DLG1: variants seen among roughly 807,000 people sequenced by gnomAD.
DLG1 encodes discs large MAGUK scaffold protein 1, also known as disks large homolog 1.
In DLG1, 42 loss-of-function variants were observed where a neutral mutation model predicts 123.4. That is an observed-to-expected ratio of 0.34 (90% CI 0.27 to 0.44). The LOEUF is 0.44. DLG1 is among the 20% of genes least tolerant of loss of function. The pLI, the probability that DLG1 is intolerant of heterozygous loss-of-function variation, is 1.00. For synonymous variants in DLG1, 317 were observed against 356.2 expected (o/e 0.89, Z 1.24); for missense variants, 942 against 1,082.6 (o/e 0.87, Z 1.82).
chr3:197,088,849 A>G lies in DLG1; in HGVS notation c.1661+2063T>C, dbSNP rs1030552780. On this transcript the variant is annotated intron_variant, in intron 15 of 24. Coordinates refer to ENST00000667157, the MANE Select transcript of DLG1 (RefSeq NM_001366207.1). ...TCCAGGAAAAATGAAGGGCTGCAGA[A>G]GAAAGGAGGCAGCTCATAGGGTACC... Among the ~76,000 whole-genome samples the G allele has an allele frequency of 3.9e-5, 6 of 152,264 alleles. No individual in the cohort carries two copies. The East Asian group carries it at 1.2e-3, about 29-fold the overall frequency.
intron 3 of DLG1, among the ~76,000 whole-genome samples, 192 bp downstream of exon 3, chr3:197,296,154 T>C (rs941117171): frequency 6.6e-6 from 1 of 152,226 alleles, no homozygotes; most frequent in Non-Finnish European, 1.5e-5. Flanking sequence ...GAAATAATCC[T>C]GAAAGTTTTT....
At chr3:197,079,121 C>CTCCA (rs936116527) in intron 17 of DLG1, among the ~76,000 whole-genome samples, 2 of 151,868 alleles carry the variant, frequency 1.3e-5, no homozygotes, top group Non-Finnish European at 2.9e-5. Flanking sequence ...GACTTGCTAC[C>CTCCA]TCCAGTTTCT....
intron 24 of DLG1, among the ~76,000 whole-genome samples, chr3:197,049,468 G>A (rs541044519): frequency 6.6e-6 from 1 of 152,206 alleles, no homozygotes; most frequent in Non-Finnish European, 1.5e-5. Context: ...GTCAAAAGAT[G>A]AATGAGCCGG....
intron 3 of DLG1, among the ~76,000 whole-genome samples, chr3:197,286,181 T>G (rs1280738167): frequency 1.3e-5 from 2 of 152,160 alleles, no homozygotes; most frequent in African/African-American, 4.8e-5. Flanking sequence ...ATGGAGACAG[T>G]AAAAAGATCA....
chr3:197,136,735 G>A (rs1785216707), intron 9 of DLG1, 57 bp from the exon 10 acceptor site: 2 of 1,458,056 alleles, frequency 1.4e-6, no homozygotes, highest in Non-Finnish European at 1.9e-6. Flanking sequence ...AGCCCAGAAA[G>A]AAATGGTTGA....
chr3:197,289,476 T>C (rs768984940), intron 3 of DLG1, among the ~76,000 whole-genome samples: 4 of 152,224 alleles, frequency 2.6e-5, no homozygotes, highest in Non-Finnish European at 4.4e-5. Flanking sequence ...AAATGTTTTA[T>C]ATAGAACATG....
intron 19 of DLG1, among the ~76,000 whole-genome samples, chr3:197,068,165 T>G (rs943998518): frequency 9.9e-5 from 15 of 152,220 alleles, no homozygotes; most frequent in Admixed American, 9.8e-4. Flanking sequence ...ACCAATATTT[T>G]ATAAGCTGTT....
At chr3:197,288,362 CAAAAAAAAAA>C (rs1290725400) in intron 3 of DLG1, among the ~76,000 whole-genome samples, 1 of 45,572 alleles carries the variant, frequency 2.2e-5, no homozygotes, top group Admixed American at 2.9e-4. Flanking sequence ...GACTCCGTCT[CAAAAAAAAAA>C]AAAAAAAAAA....
chr3:197,268,455 C>T (rs531168725), intron 4 of DLG1, among the ~76,000 whole-genome samples: 251 of 151,990 alleles, frequency 1.7e-3, no homozygotes, highest in Non-Finnish European at 1.7e-3. Context: ...GGTCTTGATC[C>T]GTCGCCCAGG....
chr3:197,225,985 G>A (rs557075866), intron 4 of DLG1: 23 of 152,422 alleles, frequency 1.5e-4, no homozygotes, highest in Non-Finnish European at 2.5e-4. Context: ...CATTTAAATC[G>A]ATCCAAGACT....
At chr3:197,136,817 A>G (rs1785255362) in intron 9 of DLG1, 139 bp from the exon 10 acceptor site, 2 of 686,406 alleles carry the variant, frequency 2.9e-6, no homozygotes, top group South Asian at 2.4e-5. Context: ...GTTATCTACT[A>G]GTATATGTTC....
chr3:197,280,636 A>G (rs957046785), intron 4 of DLG1, among the ~76,000 whole-genome samples: 7 of 152,226 alleles, frequency 4.6e-5, no homozygotes, highest in African/African-American at 1.7e-4. Context: ...CAATGGTTAC[A>G]TTACTTAAAC....
At chr3:197,072,788 G>A (rs1343905472) in intron 18 of DLG1, among the ~76,000 whole-genome samples, 1 of 152,022 alleles carries the variant, frequency 6.6e-6, no homozygotes, top group Non-Finnish European at 1.5e-5. Context: ...CACCTCCCGG[G>A]TTCAAGTGAT....
chr3:197,291,912 G>A (rs1312049435), intron 3 of DLG1, among the ~76,000 whole-genome samples: 1 of 152,128 alleles, frequency 6.6e-6, no homozygotes, highest in African/African-American at 2.4e-5. Flanking sequence ...TTGAAGAGGA[G>A]TCATATACTC....
intron 3 of DLG1, among the ~76,000 whole-genome samples, chr3:197,289,776 GAAGA>G (rs1398763293): frequency 1.9e-4 from 29 of 152,290 alleles, no homozygotes; most frequent in Non-Finnish European, 3.4e-4. Context: ...TTGACCCCTA[GAAGA>G]AAGAATATCC....
intron 1 of DLG1, 162 bp from the exon 2 acceptor site, chr3:197,297,397 G>A (rs1419544538): frequency 2.1e-6 from 3 of 1,433,440 alleles, no homozygotes; most frequent in African/African-American, 1.4e-5. Context: ...GTCTGTCAAC[G>A]TGGAAAGCTT....
At chr3:197,223,775 A>G (rs1738368195) in intron 4 of DLG1, among the ~76,000 whole-genome samples, 1 of 152,234 alleles carries the variant, frequency 6.6e-6, no homozygotes, top group Non-Finnish European at 1.5e-5. Flanking sequence ...TAATTCTGGT[A>G]TAATTCCCAA....
At chr3:197,225,351 G>A (rs1400843085) in intron 4 of DLG1, among the ~76,000 whole-genome samples, 1 of 152,128 alleles carries the variant, frequency 6.6e-6, no homozygotes, top group Non-Finnish European at 1.5e-5. Context: ...AAATTAACCA[G>A]TTTCATTTAT....
chr3:197,058,335 CAACATTCTTTCCT>C (rs1329087802), intron 23 of DLG1, among the ~76,000 whole-genome samples: 2 of 152,176 alleles, frequency 1.3e-5, no homozygotes, highest in Non-Finnish European at 2.9e-5. Context: ...ATTTGATTTT[CAACATTCTTTCCT>C]AACATTTAAA....
Sources: gnomAD v4.1 joint callset for allele counts (sites outside exome capture counted in the v4.1 genomes callset) on GRCh38, gnomAD v4.1.1 for gene constraint, MANE v1.5 for transcripts, NCBI Gene and HGNC (gene_info 2026-07-23, HGNC 2026-07-21) for gene names.